Variants in CLASP1 observed in about 807,000 individuals in gnomAD.
CLASP1 encodes cytoplasmic linker associated protein 1, also known as CLIP-associating protein 1.
In CLASP1, 38 loss-of-function variants were observed where a neutral mutation model predicts 192.3. The observed-to-expected ratio is 0.20, with a 90% CI of 0.15 to 0.26. The LOEUF (loss-of-function observed/expected upper bound fraction) is 0.26. Among genes scored for constraint, CLASP1 ranks in the 10% least tolerant of loss-of-function variants. The pLI, the probability that CLASP1 is intolerant of heterozygous loss-of-function variation, is 1.00. For missense variants in CLASP1, 1,433 were observed against 1,932.5 expected (o/e 0.74, Z 4.85); for synonymous variants, 691 against 712.8 (o/e 0.97, Z 0.49).
intron 34 of CLASP1, among the ~76,000 whole-genome samples, chr2:121,375,623 A>G (rs1037373995): frequency 6.6e-6 from 1 of 152,014 alleles, no homozygotes; most frequent in Non-Finnish European, 1.5e-5. Flanking sequence ...CGGCCTCCCA[A>G]AGTGTTGGGA....
intron 8 of CLASP1, among the ~76,000 whole-genome samples, chr2:121,477,501 C>T (rs2091777903): frequency 6.6e-6 from 1 of 152,060 alleles, no homozygotes; most frequent in South Asian, 2.1e-4. Flanking sequence ...GTCATAGTTC[C>T]ACTATAAGCA....
Position 121,600,762 on chromosome 2 carries a change from G to A in CLASP1, c.195+4939C>T, listed in dbSNP as rs78501669. On this transcript the variant is annotated intron_variant, in intron 2 of 39. Transcript: ENST00000263710. ...ATAATTTAACATCCATGCTACCCCA[G>A]TCCCATCCCCAACCTCCTTTTCCTA... is the stretch of plus-strand genomic sequence containing the variant. Among the ~76,000 whole-genome samples, 950 of 152,248 alleles carry A rather than the reference G, an allele frequency of 6.2e-3. 20 individuals carry two copies. The highest frequency in any genetic ancestry group is 0.055 in the East Asian group (284 of 5,180).
At chr2:121,631,940 G>A (rs577278332) in intron 1 of CLASP1, among the ~76,000 whole-genome samples, 5 of 152,036 alleles carry the variant, frequency 3.3e-5, no homozygotes, top group African/African-American at 7.2e-5. Context: ...CCAGCTACTC[G>A]GGAGGCTGAG....
At chr2:121,350,402 G>A (rs2064143410) in intron 37 of CLASP1, among the ~76,000 whole-genome samples, 2 of 152,184 alleles carry the variant, frequency 1.3e-5, no homozygotes, top group African/African-American at 4.8e-5. Context: ...GGCCCACAGA[G>A]AGGCCACCTG....
chr2:121,531,080 A>G (rs9678017), intron 2 of CLASP1: 89,073 of 682,764 alleles, frequency 0.13, 11,404 homozygotes, highest in African/African-American at 0.52. Flanking sequence ...CTTTGTGGTT[A>G]AACCAGTAGA....
At chr2:121,412,835 G>A (rs1373092353) in intron 23 of CLASP1, among the ~76,000 whole-genome samples, 4 of 152,036 alleles carry the variant, frequency 2.6e-5, no homozygotes, top group Admixed American at 1.3e-4. Flanking sequence ...TTATGTTTTC[G>A]CCAGAGCAAA....
intron 2 of CLASP1, among the ~76,000 whole-genome samples, chr2:121,600,045 A>AC (rs1300301175): frequency 2.0e-5 from 3 of 152,194 alleles, no homozygotes; most frequent in African/African-American, 7.2e-5. Flanking sequence ...GCCAAACTGT[A>AC]CCTCAGGGTT....
intron 24 of CLASP1, chr2:121,409,153 T>C: frequency 1.1e-6 from 1 of 887,398 alleles, no homozygotes; most frequent in South Asian, 1.6e-5. Flanking sequence ...AAAACATATC[T>C]TAGCAAACCA....
intron 1 of CLASP1, among the ~76,000 whole-genome samples, chr2:121,643,983 G>A (rs771482899): frequency 7.9e-5 from 12 of 152,146 alleles, no homozygotes; most frequent in Non-Finnish European, 1.6e-4. Flanking sequence ...AGAGATTCCA[G>A]TGACTTGATT....
chr2:121,600,938 G>C (rs1028231845), intron 2 of CLASP1, among the ~76,000 whole-genome samples: 1 of 152,198 alleles, frequency 6.6e-6, no homozygotes, highest in Non-Finnish European at 1.5e-5. Context: ...GGATGGGCAC[G>C]CAAAGTCACT....
chr2:121,525,046 C>T (rs577729541), intron 6 of CLASP1, among the ~76,000 whole-genome samples: 37 of 152,274 alleles, frequency 2.4e-4, no homozygotes, highest in African/African-American at 8.2e-4. Flanking sequence ...TAGCAGTTAT[C>T]AACCAAGATT....
intron 2 of CLASP1, among the ~76,000 whole-genome samples, chr2:121,546,208 G>A (rs1359532197): frequency 6.6e-6 from 1 of 152,028 alleles, no homozygotes; most frequent in East Asian, 1.9e-4. Flanking sequence ...AAAAAATTCA[G>A]TTACATTGGA....
At chr2:121,444,808 G>C (rs2084029580) in intron 19 of CLASP1, 2 of 478,744 alleles carry the variant, frequency 4.2e-6, no homozygotes, top group South Asian at 3.4e-5. Flanking sequence ...TGAAAAGAGA[G>C]GAGGAGAAAC....
intron 14 of CLASP1, among the ~76,000 whole-genome samples, chr2:121,455,765 G>A (rs2086515229): frequency 6.6e-6 from 1 of 152,174 alleles, no homozygotes; most frequent in African/African-American, 2.4e-5. Context: ...GGGAGACTGA[G>A]GCGGGAGGAT....
At chr2:121,447,706 C>T (rs2084626196) in intron 18 of CLASP1, among the ~76,000 whole-genome samples, 199 bp from the exon 19 acceptor site, 1 of 152,158 alleles carries the variant, frequency 6.6e-6, no homozygotes, top group African/African-American at 2.4e-5. Context: ...CAAGTGATCT[C>T]AATTGTAATG....
chr2:121,343,408 T>C (rs1274267627), intron 39 of CLASP1, among the ~76,000 whole-genome samples: 1 of 151,948 alleles, frequency 6.6e-6, no homozygotes, highest in Non-Finnish European at 1.5e-5. Context: ...AGCCAGAAGG[T>C]GGAAGCAACC....
chr2:121,397,000 G>T, intron 30 of CLASP1, 140 bp downstream of exon 31: 2 of 740,782 alleles, frequency 2.7e-6, no homozygotes, highest in Non-Finnish European at 4.5e-6. Context: ...GGGCAGAGCT[G>T]GAGAGAGAAA....
chr2:121,518,595 C>T (rs1056552361), intron 6 of CLASP1, among the ~76,000 whole-genome samples: 1 of 152,028 alleles, frequency 6.6e-6, no homozygotes, highest in Non-Finnish European at 1.5e-5. Context: ...CGGTCGGGCG[C>T]GGTGGCTCAT....
At chr2:121,372,775 C>A (rs1433891753) in intron 34 of CLASP1, among the ~76,000 whole-genome samples, 1 of 152,192 alleles carries the variant, frequency 6.6e-6, no homozygotes, top group African/African-American at 2.4e-5. Flanking sequence ...CCTTCAATGA[C>A]TCCAGTATCA....
Sources: gnomAD v4.1 joint callset for allele counts (sites outside exome capture counted in the v4.1 genomes callset) on GRCh38, gnomAD v4.1.1 for gene constraint, MANE v1.5 for transcripts, NCBI Gene and HGNC (gene_info 2026-07-23, HGNC 2026-07-21) for gene names.